TMTC2: variants seen among roughly 807,000 people sequenced by gnomAD.
TMTC2 encodes transmembrane O-mannosyltransferase targeting cadherins 2.
In TMTC2, 43 loss-of-function variants were observed where a neutral mutation model predicts 82.4. The observed-to-expected ratio is 0.52, with a 90% CI of 0.41 to 0.67. The LOEUF is 0.67. Among genes scored for constraint, TMTC2 ranks in the 30% least tolerant of loss-of-function variants. The probability of loss-of-function intolerance (pLI) is 0.00; values close to 1 mark genes in which losing one functional copy is unlikely to be tolerated. For missense variants in TMTC2, 919 were observed against 1,012.4 expected (o/e 0.91, Z 1.25); for synonymous variants, 408 against 381.9 (o/e 1.07, Z -0.80).
At chr12:83,062,676 G>T (rs1400243449) in intron 11 of TMTC2, among the ~76,000 whole-genome samples, 1 of 151,774 alleles carries the variant, frequency 6.6e-6, no homozygotes, top group Non-Finnish European at 1.5e-5. Flanking sequence ...TGCCTGCTTT[G>T]TGGTAGAATA....
In TMTC2 at chr12:82,919,179, G is replaced by C. The variant is rs75288619; in HGVS notation, c.1484-11252G>C. Among the ~76,000 whole-genome samples, 556 of 152,344 alleles carry C rather than the reference G, an allele frequency of 3.6e-3. 2 individuals are homozygous for C. Among genetic ancestry groups the C allele is most frequent in the African/African-American group, 0.013 (528 of 41,580 alleles). Reference sequence around the variant, plus strand: ...TTGAACTGTAACAGAAGGCAAAAGAGAAAGAGAGCACATATGAGAGAAAAA... The same window carrying C: ...TTGAACTGTAACAGAAGGCAAAAGACAAAGAGAGCACATATGAGAGAAAAA... On this transcript the variant is annotated intron_variant, in intron 3 of 11. Transcript: ENST00000321196.
intron 1 of TMTC2, among the ~76,000 whole-genome samples, chr12:82,730,440 C>G (rs1565725637): frequency 2.6e-5 from 4 of 151,038 alleles, no homozygotes; most frequent in African/African-American, 9.7e-5. Flanking sequence ...GACTTGAGTT[C>G]AAGCTTTGCT....
chr12:82,692,794 T>C (rs528927734), intron 1 of TMTC2, among the ~76,000 whole-genome samples: 78 of 152,350 alleles, frequency 5.1e-4, no homozygotes, highest in Non-Finnish European at 9.3e-4. Context: ...TATAAATAGC[T>C]GTCCTCATTT....
At chr12:82,882,665 G>A (rs959608210) in intron 2 of TMTC2, among the ~76,000 whole-genome samples, 2 of 152,054 alleles carry the variant, frequency 1.3e-5, no homozygotes, top group African/African-American at 4.8e-5. Flanking sequence ...GTGCCACAAT[G>A]CTGTCTGGAA....
intron 8 of TMTC2, among the ~76,000 whole-genome samples, chr12:83,004,778 A>G (rs925322471): frequency 1.1e-4 from 10 of 88,182 alleles, no homozygotes; most frequent in South Asian, 4.2e-4. Context: ...GAGTAGGGGT[A>G]GGGCGGTGTA....
chr12:82,796,874 C>A (rs555768657), intron 1 of TMTC2, among the ~76,000 whole-genome samples: 24 of 152,204 alleles, frequency 1.6e-4, no homozygotes, highest in Admixed American at 2.6e-4. Context: ...GTTTCCCCAG[C>A]TTTAAAATGG....
intron 4 of TMTC2, among the ~76,000 whole-genome samples, chr12:82,947,640 A>G (rs757338278): frequency 5.9e-5 from 9 of 152,130 alleles, no homozygotes; most frequent in East Asian, 1.9e-4. Context: ...TCAGAGTGCA[A>G]TTTTTAATCA....
At position 83,008,423 on chromosome 12, in the gene TMTC2, A is replaced by T. The variant is rs1796146; in HGVS notation, c.2071-22375A>T. Among the ~76,000 whole-genome samples the T allele has an allele frequency of 7.2e-5, 11 of 152,122 alleles. No individual in the cohort carries two copies. The East Asian group carries it at 2.1e-3, about 29-fold the overall frequency. On this transcript the variant is annotated intron_variant, in intron 8 of 11. Coordinates refer to ENST00000321196, the MANE Select transcript of TMTC2 (RefSeq NM_152588.3). ...TAGAAGTTTCTGTTGACCCTTCGTC[A>T]AGCTCACTGATTCTTTCCTTAGCCA...
chr12:83,132,268 A>G lies in TMTC2; in HGVS notation c.2390A>G (p.Lys797Arg), dbSNP rs1885279876. Reference sequence around the variant, plus strand: ...CTGCACCTCAATGGCAGACTCCAGAAGGCCGAGGCCAACTACCTGCGGGCC... The same window carrying G: ...CTGCACCTCAATGGCAGACTCCAGAGGGCCGAGGCCAACTACCTGCGGGCC... ...AILHLNGRLQ[K>R]AEANYLRALQ... The change falls in exon 12 of 12, where the codon AAG (lysine) becomes AGG (arginine). Residue 797 changes from lysine to arginine, a missense_variant. Coordinates refer to ENST00000321196, the MANE Select transcript of TMTC2 (RefSeq NM_152588.3). 4.3e-6 allele frequency: 7 copies of G among 1,613,944 alleles called. No individual in the cohort carries two copies. The South Asian group carries it at 5.5e-5, about 13-fold the overall frequency.
intron 1 of TMTC2, among the ~76,000 whole-genome samples, chr12:82,692,480 C>T (rs1310715280): frequency 6.6e-6 from 1 of 152,154 alleles, no homozygotes; most frequent in Non-Finnish European, 1.5e-5. Context: ...AACTGTCTTT[C>T]GTAGGCTAAA....
chr12:82,991,645 A>C (rs181543809), intron 8 of TMTC2, among the ~76,000 whole-genome samples: 3 of 152,238 alleles, frequency 2.0e-5, no homozygotes, highest in Admixed American at 6.5e-5. Context: ...GTCATGTCCA[A>C]TTAAAATACT....
intron 1 of TMTC2, among the ~76,000 whole-genome samples, chr12:82,820,306 A>G (rs118114498): frequency 0.011 from 1,718 of 152,272 alleles, 22 homozygotes; most frequent in Non-Finnish European, 0.018. Context: ...CCTTCAATGC[A>G]ATCAAGTTGA....
At chr12:82,719,059 TTATATATATATA>T in intron 1 of TMTC2, among the ~76,000 whole-genome samples, 1 of 94,446 alleles carries the variant, frequency 1.1e-5, no homozygotes, top group South Asian at 3.8e-4. Context: ...TTAGATGATT[TTATATATATATA>T]TATATATATA....
intron 1 of TMTC2, among the ~76,000 whole-genome samples, chr12:82,798,461 C>A (rs112212158): frequency 7.1e-6 from 1 of 140,256 alleles, no homozygotes; most frequent in Non-Finnish European, 1.5e-5. Flanking sequence ...GGTGCCACTG[C>A]ACTCCGGCCT....
chr12:83,029,976 T>C (rs2137421108), intron 8 of TMTC2, among the ~76,000 whole-genome samples: 1 of 152,336 alleles, frequency 6.6e-6, no homozygotes, highest in South Asian at 2.1e-4. Context: ...AGCAGAATTT[T>C]AGTCCTGAGT....
intron 2 of TMTC2, among the ~76,000 whole-genome samples, chr12:82,870,332 G>A (rs139326840): frequency 3.9e-5 from 6 of 152,272 alleles, no homozygotes; most frequent in African/African-American, 1.4e-4. Flanking sequence ...CAAATGGAAT[G>A]TTTGCTTCTG....
intron 1 of TMTC2, among the ~76,000 whole-genome samples, chr12:82,727,828 A>G (rs1042759573): frequency 6.7e-6 from 1 of 149,820 alleles, no homozygotes; most frequent in African/African-American, 2.5e-5. Context: ...CAATTGAAGG[A>G]TAGTCTAAGA....
intron 7 of TMTC2, among the ~76,000 whole-genome samples, chr12:82,972,317 C>T (rs966993911): frequency 6.6e-6 from 1 of 151,980 alleles, no homozygotes; most frequent in South Asian, 2.1e-4. Context: ...AGTTTTCAGT[C>T]CCAGCTCAAT....
At chr12:82,773,021 G>T (rs10862503) in intron 1 of TMTC2, among the ~76,000 whole-genome samples, 1 of 152,016 alleles carries the variant, frequency 6.6e-6, no homozygotes, top group African/African-American at 2.4e-5. Context: ...ATATAGTTTG[G>T]TATTGTCATG....
Sources: allele counts gnomAD v4.1 joint callset (sites outside exome capture counted in the v4.1 genomes callset), GRCh38; gene constraint gnomAD v4.1.1; transcripts MANE v1.5; gene names NCBI Gene and HGNC (gene_info 2026-07-23, HGNC 2026-07-21).